Variants in NBPF3 observed in about 807,000 individuals in gnomAD.
The protein encoded by NBPF3 is NBPF member 3, also known as NBPF family member NBPF3.
A neutral mutation model predicts 78.1 loss-of-function variants in NBPF3; 57 were observed. That is an observed-to-expected ratio of 0.73 (90% CI 0.59 to 0.91). The LOEUF (loss-of-function observed/expected upper bound fraction) is 0.91. NBPF3 is among the 40% of genes least tolerant of loss of function. NBPF3 has a pLI of 0.00. For synonymous variants in NBPF3, 182 were observed against 271.7 expected, an observed-to-expected ratio of 0.67 and a Z score of 3.25; for missense variants, 510 against 715.3, an observed-to-expected ratio of 0.71 and a Z score of 3.27.
At chr1:21,443,762 C>T (rs551052494) in intron 1 of NBPF3, among the ~76,000 whole-genome samples, 7 of 152,174 alleles carry the variant, frequency 4.6e-5, no homozygotes, top group Admixed American at 4.6e-4. Flanking sequence ...TACAGGCATG[C>T]ACCACTATGC....
At chr1:21,437,483 GC>G, upstream of NBPF3, 1 of 1,462,570 alleles carries the variant, frequency 6.8e-7, no homozygotes. Flanking sequence ...CCACGAGGAC[GC>G]CCAGCGCGAG....
At chr1:21,442,023 GTCT>G (rs1228960870) in intron 1 of NBPF3, among the ~76,000 whole-genome samples, 1 of 152,118 alleles carries the variant, frequency 6.6e-6, no homozygotes, top group Non-Finnish European at 1.5e-5. Flanking sequence ...CCATTTATGT[GTCT>G]TCTTTTGTGA....
rs1423656266 is a variant in NBPF3, at chr1:21,476,241, GT to G, written c.992+1291del. On this transcript the variant is annotated intron_variant, in intron 8 of 14. Coordinates refer to ENST00000318249, the MANE Select transcript of NBPF3 (RefSeq NM_032264.6). This position sits in a 1 kb window ranked among gnomAD's most constrained non-coding sequence, Gnocchi z 4.1. The stretch of plus-strand genomic sequence containing the variant: ...CTCCTTATCCAATTTGCCAGTCTGT[GT>G]CTTTTAATTGGGGCATTTAGCCTAT... Among the ~76,000 whole-genome samples, 1 of 152,146 alleles carries G rather than the reference GT, an allele frequency of 6.6e-6. No homozygotes were observed. Among genetic ancestry groups the G allele is most frequent in the Non-Finnish European group, 1.5e-5 (1 of 68,016 alleles).
intron 8 of NBPF3, among the ~76,000 whole-genome samples, chr1:21,477,345 A>G (rs1322059034): frequency 6.6e-6 from 1 of 152,120 alleles, no homozygotes; most frequent in Non-Finnish European, 1.5e-5. Context: ...CCTTTGGAGG[A>G]GAAGGGGCGC....
At chr1:21,446,409 T>C (rs1640972213) in intron 2 of NBPF3, 1 of 152,054 alleles carries the variant, frequency 6.6e-6, no homozygotes, top group Non-Finnish European at 1.5e-5. Context: ...GTGGTGTAAG[T>C]TTCCCCACTG....
intron 7 of NBPF3, 126 bp downstream of exon 7, chr1:21,473,711 A>G: frequency 1.1e-6 from 1 of 873,290 alleles, no homozygotes; most frequent in South Asian, 1.6e-5. Context: ...CAGAGATATC[A>G]AGGAGGTTTT....
chr1:21,456,628 A>G (rs1641618244), intron 2 of NBPF3, among the ~76,000 whole-genome samples: 1 of 146,318 alleles, frequency 6.8e-6, no homozygotes, highest in South Asian at 2.1e-4. Flanking sequence ...ACACAGTAAA[A>G]GCATTTGGCA....
chr1:21,464,390 G>C (rs1168608594), intron 2 of NBPF3, among the ~76,000 whole-genome samples: 3 of 151,998 alleles, frequency 2.0e-5, no homozygotes, highest in African/African-American at 7.2e-5. Flanking sequence ...TATAGAGGAA[G>C]TGCCCAGAAC....
chr1:21,465,665 A>G (rs138941290), intron 2 of NBPF3, among the ~76,000 whole-genome samples: 3,761 of 152,338 alleles, frequency 0.025, 79 homozygotes, highest in East Asian at 0.094. Flanking sequence ...CAACTTCGGA[A>G]GAGTGGAAGC....
chr1:21,439,808 C>T (rs1204648860), upstream of NBPF3, among the ~76,000 whole-genome samples: 2 of 152,172 alleles, frequency 1.3e-5, no homozygotes, highest in Non-Finnish European at 2.9e-5. Flanking sequence ...CGCTCCGGGC[C>T]TCCGAGGGGG....
upstream of NBPF3, among the ~76,000 whole-genome samples, chr1:21,438,491 A>T (rs1460677079): frequency 6.6e-6 from 1 of 152,224 alleles, no homozygotes; most frequent in African/African-American, 2.4e-5. Context: ...AATGATACTT[A>T]AAAATGTAGC....
intron 5 of NBPF3, 128 bp downstream of exon 5, chr1:21,471,911 A>C (rs1174315893): frequency 1.5e-5 from 19 of 1,296,396 alleles, no homozygotes; most frequent in Middle Eastern, 2.6e-4. Flanking sequence ...GCCGTGACAT[A>C]AGTGACATAA....
intron 6 of NBPF3, among the ~76,000 whole-genome samples, chr1:21,473,163 C>A (rs1642698050): frequency 6.6e-6 from 1 of 152,168 alleles, no homozygotes; most frequent in Admixed American, 6.5e-5. Flanking sequence ...CTGTCCAGTG[C>A]AATGAACACC....
intron 2 of NBPF3, among the ~76,000 whole-genome samples, chr1:21,467,683 C>T (rs1441005178): frequency 6.6e-6 from 1 of 152,166 alleles, no homozygotes; most frequent in Non-Finnish European, 1.5e-5. Flanking sequence ...GTTTATGAAA[C>T]TTCCCAAGAT....
intron 10 of NBPF3, 130 bp from the exon 11 acceptor site, chr1:21,479,921 T>C: frequency 2.8e-6 from 2 of 717,486 alleles, no homozygotes; most frequent in Non-Finnish European, 5.2e-6. Context: ...AAGGCAATAA[T>C]TTGTTACCTC....
intron 2 of NBPF3, among the ~76,000 whole-genome samples, chr1:21,448,212 C>T (rs553977658): frequency 6.6e-6 from 1 of 152,124 alleles, no homozygotes; most frequent in Non-Finnish European, 1.5e-5. Context: ...TCATCCAACC[C>T]AAGATCCCCA....
intron 10 of NBPF3, among the ~76,000 whole-genome samples, chr1:21,479,818 C>CTGTGTGTGTGTGTGTGTG (rs1297036233): frequency 1.4e-4 from 6 of 43,944 alleles, no homozygotes; most frequent in East Asian, 8.1e-4. Context: ...CTCTCTCTCT[C>CTGTGTGTGTGTGTGTGTG]TCTGTGTGTG....
intron 1 of NBPF3, among the ~76,000 whole-genome samples, chr1:21,443,382 TGAGCCTCACA>T (rs1640774387): frequency 6.6e-6 from 1 of 152,228 alleles, no homozygotes; most frequent in South Asian, 2.1e-4. Flanking sequence ...AGATGTTATT[TGAGCCTCACA>T]GAGCTGCAGT....
chr1:21,438,018 C>G (rs1463475836), upstream of NBPF3, among the ~76,000 whole-genome samples: 1 of 152,024 alleles, frequency 6.6e-6, no homozygotes, highest in Non-Finnish European at 1.5e-5. Context: ...TGGGGTTTCT[C>G]CATGTTGGTC....
Sources: allele counts gnomAD v4.1 joint callset (sites outside exome capture counted in the v4.1 genomes callset), GRCh38; gene constraint gnomAD v4.1.1; non-coding constraint Gnocchi (gnomAD v3.1); transcripts MANE v1.5; gene names NCBI Gene and HGNC (gene_info 2026-07-23, HGNC 2026-07-21).